KCNMA1: variants seen among roughly 807,000 people sequenced by gnomAD.
KCNMA1 encodes the protein Calcium-activated potassium channel subunit alpha-1.
In KCNMA1, 29 loss-of-function variants were observed where a neutral mutation model predicts 140.0. The ratio of observed to expected loss-of-function variants is 0.21; its 90% CI spans 0.15 to 0.28. The LOEUF (loss-of-function observed/expected upper bound fraction) is 0.28. KCNMA1 is among the 10% of genes least tolerant of loss of function. KCNMA1 has a pLI of 1.00. For missense variants in KCNMA1, 880 were observed against 1,602.2 expected (o/e 0.55, Z 7.70); for synonymous variants, 612 against 611.9 (o/e 1.00, Z 0.00).
intron 1 of KCNMA1, among the ~76,000 whole-genome samples, chr10:77,448,460 C>T (rs897241488): frequency 1.3e-5 from 2 of 152,188 alleles, no homozygotes; most frequent in African/African-American, 4.8e-5. Flanking sequence ...CACACATTCA[C>T]TTTTTCCTCA....
At chr10:76,954,032 G>T in intron 20 of KCNMA1, 108 bp from the exon 21 acceptor site, 1 of 1,265,262 alleles carries the variant, frequency 7.9e-7, no homozygotes, top group Non-Finnish European at 1.1e-6. Flanking sequence ...AGAGGAAGTG[G>T]TTGTCACTGA....
rs202038727 is a variant in KCNMA1, at chr10:76,884,931, G to A, written c.*2335C>T. 100 of 1,509,036 alleles carry A rather than the reference G, an allele frequency of 6.6e-5. No homozygotes were observed. The highest frequency in any genetic ancestry group is 1.1e-4 in the Admixed American group (5 of 43,836). The allele number at this position is 1,509,036 out of a possible 1,614,324, so 93.5% of individuals were successfully genotyped here. A position where few individuals can be genotyped will look rare whatever the true frequency, so the allele number is the denominator to read the frequency against. On this transcript the variant is annotated 3_prime_UTR_variant, in exon 28 of 28. Transcript: ENST00000286628. ...TCACAAAAGTTTTCACAAGGACAAC[G>A]TTATAGAAGAAAACCCCCAGCAGTG... is the stretch of plus-strand genomic sequence containing the variant.
intron 3 of KCNMA1, among the ~76,000 whole-genome samples, chr10:77,222,226 G>A (rs1333089494): frequency 6.6e-6 from 1 of 152,196 alleles, no homozygotes; most frequent in African/African-American, 2.4e-5. Context: ...AAGACAATCA[G>A]ATTGGGATCA....
In KCNMA1 at chr10:77,272,811, T is replaced by C. The variant is rs567803359; in HGVS notation, c.541-21555A>G. Among the ~76,000 whole-genome samples the C allele has an allele frequency of 8.8e-4, 134 of 152,328 alleles. 1 individual carries two copies. The highest frequency in any genetic ancestry group is 3.2e-3 in the African/African-American group (132 of 41,570). On this transcript the variant is annotated intron_variant, in intron 2 of 27. Coordinates refer to ENST00000286628, the MANE Select transcript of KCNMA1 (RefSeq NM_001161352.2). ...TTATATGGCAGTGTTTCAAAAAGGC[T>C]TTGAGTCACCTTTAAGATTCCTTGC...
chr10:77,294,388 G>C (rs1457500162), intron 2 of KCNMA1, among the ~76,000 whole-genome samples: 1 of 152,134 alleles, frequency 6.6e-6, no homozygotes, highest in Non-Finnish European at 1.5e-5. Context: ...GCAGAGCCCT[G>C]CTGAGCATGG....
rs931849232 is a variant in KCNMA1, at chr10:77,403,851, T to A, written c.540+11A>T. The A allele has an allele frequency of 6.2e-7, 1 of 1,609,986 alleles. No individual in the cohort carries two copies. Among genetic ancestry groups the A allele is most frequent in the African/African-American group, 1.3e-5 (1 of 74,834 alleles). On this transcript the variant is annotated intron_variant, in intron 2 of 27. Coordinates refer to ENST00000286628, the MANE Select transcript of KCNMA1 (RefSeq NM_001161352.2). ...AAGGCCTCCTGGTGTGAGAAGTGGG[T>A]GGAGACTCACCAGGACTCTGCCAGT...
chr10:77,073,387 T>A, intron 13 of KCNMA1, 135 bp from the exon 14 acceptor site: 1 of 863,790 alleles, frequency 1.2e-6, no homozygotes, highest in South Asian at 1.4e-5. Context: ...TGCTGCGGTC[T>A]GATGTTTGCT....
intron 2 of KCNMA1, among the ~76,000 whole-genome samples, chr10:77,273,841 T>A (rs1555118657): frequency 6.6e-6 from 1 of 152,166 alleles, no homozygotes; most frequent in Non-Finnish European, 1.5e-5. Context: ...GCACAGGGGC[T>A]ATCACAGAGA....
intron 18 of KCNMA1, among the ~76,000 whole-genome samples, chr10:77,004,184 T>C (rs2087535987): frequency 1.3e-5 from 2 of 148,470 alleles, no homozygotes; most frequent in African/African-American, 5.0e-5. Context: ...AAATGCAAAA[T>C]AGAAATCTCA....
At chr10:77,613,475 C>CAAGG (rs940466526) in intron 1 of KCNMA1, among the ~76,000 whole-genome samples, 9 of 152,326 alleles carry the variant, frequency 5.9e-5, no homozygotes, top group Admixed American at 6.5e-5. Flanking sequence ...GGAAGCCTAT[C>CAAGG]AAGGCATTTG....
intron 29 of KCNMA1, chr10:76,877,923 A>G: frequency 1.9e-6 from 3 of 1,596,266 alleles, no homozygotes; most frequent in Non-Finnish European, 2.6e-6. Context: ...GAGAACAAGA[A>G]GGAGAAATGA....
At chr10:77,128,900 T>C (rs1401043546) in intron 5 of KCNMA1, among the ~76,000 whole-genome samples, 1 of 152,184 alleles carries the variant, frequency 6.6e-6, no homozygotes, top group Non-Finnish European at 1.5e-5. Flanking sequence ...ATACTGTGCA[T>C]TTCTAACAAG....
intron 2 of KCNMA1, among the ~76,000 whole-genome samples, chr10:77,385,228 T>TTC (rs925480036): frequency 4.6e-5 from 7 of 151,942 alleles, no homozygotes; most frequent in African/African-American, 1.4e-4. Context: ...CATATATTTC[T>TTC]TCTCTCTCTC....
At chr10:77,510,394 C>T (rs1361271720) in intron 1 of KCNMA1, among the ~76,000 whole-genome samples, 1 of 152,060 alleles carries the variant, frequency 6.6e-6, no homozygotes, top group Non-Finnish European at 1.5e-5. Context: ...GAAAGAAACC[C>T]GTCACTGTGA....
chr10:77,361,822 C>T (rs943143366), intron 2 of KCNMA1, among the ~76,000 whole-genome samples: 1 of 152,202 alleles, frequency 6.6e-6, no homozygotes, highest in Non-Finnish European at 1.5e-5. Context: ...CAAGAGCTGC[C>T]CAGGCTGATA....
intron 5 of KCNMA1, among the ~76,000 whole-genome samples, chr10:77,175,690 T>G (rs1192250875): frequency 6.6e-6 from 1 of 151,864 alleles, no homozygotes; most frequent in African/African-American, 2.4e-5. Flanking sequence ...GGAGCTGGAG[T>G]CAGAGCTGTG....
chr10:77,138,762 GCA>G (rs974233910), intron 5 of KCNMA1, among the ~76,000 whole-genome samples: 5 of 152,120 alleles, frequency 3.3e-5, no homozygotes, highest in African/African-American at 1.2e-4. Flanking sequence ...CTCACGCCCT[GCA>G]CACAGTGTCT....
chr10:77,046,002 G>A (rs1296832114), intron 14 of KCNMA1, among the ~76,000 whole-genome samples: 1 of 152,086 alleles, frequency 6.6e-6, no homozygotes, highest in Non-Finnish European at 1.5e-5. Context: ...CAAAAATAAA[G>A]CACTAAAAGG....
chr10:76,940,751 A>T (rs758283334), intron 23 of KCNMA1, among the ~76,000 whole-genome samples: 1 of 151,930 alleles, frequency 6.6e-6, no homozygotes, highest in Non-Finnish European at 1.5e-5. Context: ...ACCTGAGGCC[A>T]GGAGTTTGAG....
Sources: allele counts gnomAD v4.1 joint callset (sites outside exome capture counted in the v4.1 genomes callset), GRCh38; gene constraint gnomAD v4.1.1; transcripts MANE v1.5; gene names NCBI Gene and HGNC (gene_info 2026-07-23, HGNC 2026-07-21).